The following MARCHF3 variants were observed in gnomAD, a reference collection of about 807,000 sequenced individuals.
MARCHF3 encodes E3 ubiquitin-protein ligase MARCHF3.
Under a neutral mutation model 24.2 loss-of-function variants are expected in MARCHF3, and 13 were observed. That is an observed-to-expected ratio of 0.54 (90% confidence interval 0.35 to 0.85). MARCHF3 has a LOEUF of 0.85. Ranked by LOEUF, MARCHF3 falls within the 40% of genes least tolerant of loss-of-function variation. The probability of loss-of-function intolerance (pLI) is 0.01; values close to 1 mark genes in which losing one functional copy is unlikely to be tolerated. For missense variants in MARCHF3, 276 were observed against 325.0 expected (o/e 0.85, Z 1.16); for synonymous variants, 144 against 137.3 (o/e 1.05, Z -0.34).
At chr5:126,901,505 C>A (rs910920689) in intron 3 of MARCHF3, among the ~76,000 whole-genome samples, 9 of 152,136 alleles carry the variant, frequency 5.9e-5, no homozygotes, top group Non-Finnish European at 1.3e-4. Context: ...GAAGATACTT[C>A]TCTCTGCTCA....
At chr5:126,930,667 C>G (rs774464895) in intron 1 of MARCHF3, among the ~76,000 whole-genome samples, 4 of 152,246 alleles carry the variant, frequency 2.6e-5, no homozygotes, top group Non-Finnish European at 4.4e-5. Context: ...TCGGGGCAAG[C>G]TTCCACTGTG....
At chr5:126,997,374 A>T (rs1165744733) in intron 1 of MARCHF3, among the ~76,000 whole-genome samples, 2 of 152,336 alleles carry the variant, frequency 1.3e-5, no homozygotes, top group Admixed American at 1.3e-4. Flanking sequence ...AGCAGAAGAA[A>T]CACAGAAAGA....
At chr5:126,960,444 C>T (rs1249788331) in intron 1 of MARCHF3, among the ~76,000 whole-genome samples, 1 of 152,080 alleles carries the variant, frequency 6.6e-6, no homozygotes, top group African/African-American at 2.4e-5. Flanking sequence ...ACAGTTGTAT[C>T]AATATTTGCA....
chr5:126,959,104 G>A (rs1442328943), intron 1 of MARCHF3, among the ~76,000 whole-genome samples: 1 of 152,026 alleles, frequency 6.6e-6, no homozygotes, highest in African/African-American at 2.4e-5. Flanking sequence ...CTTGAGTATA[G>A]GCCATCTCTT....
At chr5:126,930,122 A>C (rs187298660) in intron 1 of MARCHF3, among the ~76,000 whole-genome samples, 112 of 152,280 alleles carry the variant, frequency 7.4e-4, no homozygotes, top group Non-Finnish European at 1.4e-3. Flanking sequence ...GACCACTACT[A>C]CATAAGAAAC....
At chr5:127,022,616 T>C (rs1054607408) in intron 1 of MARCHF3, among the ~76,000 whole-genome samples, 15 of 152,202 alleles carry the variant, frequency 9.9e-5, no homozygotes, top group Admixed American at 5.9e-4. Context: ...TAATTGGTTC[T>C]ACACTCTCAT....
intron 1 of MARCHF3, among the ~76,000 whole-genome samples, chr5:126,985,636 TTTTTTTA>T (rs1273198970): frequency 7.3e-6 from 1 of 137,014 alleles, no homozygotes; most frequent in Non-Finnish European, 1.5e-5. Flanking sequence ...GCCTGGCTAA[TTTTTTTA>T]TTTTTTATTT....
intron 1 of MARCHF3, among the ~76,000 whole-genome samples, chr5:127,025,324 AAG>A (rs1378385833): frequency 2.2e-4 from 29 of 133,724 alleles, no homozygotes; most frequent in African/African-American, 9.1e-4. Flanking sequence ...AAAAAAAAAA[AAG>A]AAAGAAACTA....
rs541662037 is a variant in MARCHF3, at chr5:126,991,056, C to T, written c.-57+39294G>A. ...AGCCATCCCATTACCGGGTATATAC[C>T]CAAAGGATTATAAATCATGCTACTA... On this transcript the variant is annotated intron_variant, in intron 1 of 4. Transcript: ENST00000308660. 1.9e-3 allele frequency among the ~76,000 whole-genome samples: 291 copies of T among 152,082 alleles called. 2 individuals are homozygous for T. The highest frequency in any genetic ancestry group is 6.8e-3 in the African/African-American group (283 of 41,482).
intron 3 of MARCHF3, among the ~76,000 whole-genome samples, chr5:126,887,411 GATATCTTGAA>G (rs1345095228): frequency 6.6e-6 from 1 of 152,208 alleles, no homozygotes. Flanking sequence ...AATTGTTGCA[GATATCTTGAA>G]ATATCATTAT....
intron 3 of MARCHF3, among the ~76,000 whole-genome samples, chr5:126,911,435 A>G (rs1754528480): frequency 6.6e-6 from 1 of 152,124 alleles, no homozygotes; most frequent in African/African-American, 2.4e-5. Flanking sequence ...AGACTGGCCG[A>G]CACTTAGGGA....
chr5:126,875,720 C>T (rs1345236541), intron 4 of MARCHF3, among the ~76,000 whole-genome samples: 1 of 152,116 alleles, frequency 6.6e-6, no homozygotes, highest in Non-Finnish European at 1.5e-5. Flanking sequence ...ACTTTGCATT[C>T]TATAAAGGGC....
chr5:126,890,071 C>A (rs1753631315), intron 3 of MARCHF3, among the ~76,000 whole-genome samples: 3 of 152,146 alleles, frequency 2.0e-5, no homozygotes, highest in Non-Finnish European at 2.9e-5. Flanking sequence ...CTCCCCTGGA[C>A]TTTTTGGATA....
Position 126,940,033 on chromosome 5 carries a change from T to G in MARCHF3, c.-56-21806A>C, listed in dbSNP as rs189697177. Among the ~76,000 whole-genome samples, 464 of 152,104 alleles carry G rather than the reference T, an allele frequency of 3.1e-3. 1 individual carries two copies. Among genetic ancestry groups the G allele is most frequent in the African/African-American group, 0.011 (438 of 41,488 alleles). On this transcript the variant is annotated intron_variant, in intron 1 of 4. Transcript: ENST00000308660. ...CTAAACAGTGAGATCACCAACAAAA[T>G]GCAAAAAAATGTGGAAAATGTGGCA...
intron 1 of MARCHF3, among the ~76,000 whole-genome samples, chr5:127,000,971 GGCTC>G (rs1304024043): frequency 2.6e-5 from 4 of 152,136 alleles, no homozygotes; most frequent in African/African-American, 9.7e-5. Flanking sequence ...CAGGTGTGGT[GGCTC>G]ACGCCTGTAA....
At chr5:126,881,021 G>A (rs1322551003) in intron 3 of MARCHF3, among the ~76,000 whole-genome samples, 5 of 152,118 alleles carry the variant, frequency 3.3e-5, no homozygotes, top group Non-Finnish European at 7.3e-5. Context: ...ATGGAAGGAG[G>A]GGAGGAGGTA....
chr5:126,956,189 T>G (rs1407959876), intron 1 of MARCHF3, among the ~76,000 whole-genome samples: 2 of 152,236 alleles, frequency 1.3e-5, no homozygotes, highest in Admixed American at 1.3e-4. Flanking sequence ...CTTCTAGTCC[T>G]CAAATTGTCC....
chr5:126,906,425 C>T lies in MARCHF3; in HGVS notation c.393+8505G>A, dbSNP rs574446380. 7.2e-5 allele frequency among the ~76,000 whole-genome samples: 11 copies of T among 152,246 alleles called. No homozygotes were observed. In the South Asian group the frequency reaches 8.3e-4, roughly 11 times the overall value. On this transcript the variant is annotated intron_variant, in intron 3 of 4. Coordinates refer to ENST00000308660, the MANE Select transcript of MARCHF3 (RefSeq NM_178450.5). ...TCCTCCTTGTACCTCTGGTAGAATTCGGCTGTGAATCCATCTGGTCCTGGA... is the reference window on the plus strand; with the variant it reads ...TCCTCCTTGTACCTCTGGTAGAATTTGGCTGTGAATCCATCTGGTCCTGGA...
rs2126794841 is a variant in MARCHF3, at chr5:126,918,119, C to T, written c.53G>A (p.Ser18Asn). The T allele has an allele frequency of 6.2e-7, 1 of 1,614,158 alleles. No homozygotes were observed. Among genetic ancestry groups the T allele is most frequent in the Non-Finnish European group, 8.5e-7 (1 of 1,180,036 alleles). The change falls in exon 2 of 5, where the codon AGC becomes AAC. Residue 18 changes from serine to asparagine, a missense_variant. Coordinates refer to ENST00000308660, the MANE Select transcript of MARCHF3 (RefSeq NM_178450.5). ...HLPEVLPDCT[S>N]SAAPVVKTVE... ...CGTCTTCACCACGGGTGCAGCTGAGCTGGTGCAGTCTGGCAGGACTTCGGG... is the reference window on the plus strand; with the variant it reads ...CGTCTTCACCACGGGTGCAGCTGAGTTGGTGCAGTCTGGCAGGACTTCGGG...
Sources: gnomAD v4.1 joint callset for allele counts (sites outside exome capture counted in the v4.1 genomes callset) on GRCh38, gnomAD v4.1.1 for gene constraint, MANE v1.5 for transcripts, NCBI Gene and HGNC (gene_info 2026-07-23, HGNC 2026-07-21) for gene names.